CDYL2: variants seen among roughly 807,000 people sequenced by gnomAD.
CDYL2 encodes chromodomain Y like 2, also known as chromodomain Y-like protein 2.
CDYL2 carries 23 observed loss-of-function variants against 49.4 expected under a neutral mutation model. That is an observed-to-expected ratio of 0.47 (90% confidence interval 0.34 to 0.66). CDYL2 has a LOEUF of 0.66. Ranked by LOEUF, CDYL2 falls within the 30% of genes least tolerant of loss-of-function variation. The probability of loss-of-function intolerance (pLI) is 0.01; values close to 1 mark genes in which losing one functional copy is unlikely to be tolerated. For missense variants in CDYL2, 678 were observed against 656.4 expected, an observed-to-expected ratio of 1.03 and a Z score of -0.36; for synonymous variants, 360 against 268.8, an observed-to-expected ratio of 1.34 and a Z score of -3.32.
intron 2 of CDYL2, among the ~76,000 whole-genome samples, chr16:80,663,789 C>T (rs1455796188): frequency 6.6e-6 from 1 of 152,176 alleles, no homozygotes; most frequent in Non-Finnish European, 1.5e-5. Context: ...GACAGGGTTT[C>T]ACCATGTTGC....
intron 3 of CDYL2, among the ~76,000 whole-genome samples, chr16:80,628,995 G>C (rs779272631): frequency 6.6e-6 from 1 of 152,128 alleles, no homozygotes; most frequent in Non-Finnish European, 1.5e-5. Flanking sequence ...GTTCCAGTCA[G>C]AGCACATATA....
chr16:80,726,180 A>G (rs1454345634), intron 1 of CDYL2, among the ~76,000 whole-genome samples: 4 of 152,166 alleles, frequency 2.6e-5, no homozygotes, highest in Admixed American at 6.6e-5. Context: ...ATAAGATTCT[A>G]TTTTTGCGTA....
chr16:80,747,614 T>C (rs1248005916), intron 1 of CDYL2, among the ~76,000 whole-genome samples: 2 of 152,176 alleles, frequency 1.3e-5, no homozygotes, highest in East Asian at 1.9e-4. Flanking sequence ...CTCTGGAGTG[T>C]CCCTTCTAGC....
At chr16:80,681,336 T>A (rs1909959092) in intron 2 of CDYL2, among the ~76,000 whole-genome samples, 1 of 152,036 alleles carries the variant, frequency 6.6e-6, no homozygotes, top group Admixed American at 6.6e-5. Context: ...TTAGTCCAGA[T>A]AAGGGAAGGT....
At chr16:80,615,355 C>G (rs191439595) in intron 4 of CDYL2, among the ~76,000 whole-genome samples, 2 of 152,114 alleles carry the variant, frequency 1.3e-5, no homozygotes, top group Non-Finnish European at 1.5e-5. Context: ...TGATTTTTGT[C>G]AAACATCCCA....
chr16:80,751,736 G>T (rs1252310303), intron 1 of CDYL2, among the ~76,000 whole-genome samples: 2 of 152,170 alleles, frequency 1.3e-5, no homozygotes, highest in Non-Finnish European at 2.9e-5. Context: ...ATGAATTTTG[G>T]AACTCAGGAC....
chr16:80,639,747 C>T, intron 2 of CDYL2: 1 of 455,944 alleles, frequency 2.2e-6, no homozygotes, highest in South Asian at 1.5e-5. Flanking sequence ...ACAAACGCCA[C>T]CTCTCTCCCC....
intron 2 of CDYL2, chr16:80,662,869 G>T: frequency 2.3e-6 from 1 of 431,804 alleles, no homozygotes. Context: ...CTCACCACCA[G>T]ATGGATTCTT....
At chr16:80,607,451 C>G (rs1432703529) in intron 6 of CDYL2, among the ~76,000 whole-genome samples, 3 of 152,198 alleles carry the variant, frequency 2.0e-5, no homozygotes, top group Non-Finnish European at 4.4e-5. Context: ...GCCTCAATCT[C>G]CCAAAATGCC....
At chr16:80,645,772 T>C (rs1418988116) in intron 2 of CDYL2, among the ~76,000 whole-genome samples, 1 of 151,926 alleles carries the variant, frequency 6.6e-6, no homozygotes, top group Non-Finnish European at 1.5e-5. Flanking sequence ...TAAGAAAATG[T>C]GGCACATATA....
chr16:80,710,426 G>A (rs569118827), intron 1 of CDYL2, among the ~76,000 whole-genome samples: 1 of 152,258 alleles, frequency 6.6e-6, no homozygotes, highest in African/African-American at 2.4e-5. Context: ...TTACTCTAAG[G>A]ACATAATTGA....
chr16:80,803,738 C>T (rs1189283792), intron 1 of CDYL2, among the ~76,000 whole-genome samples: 1 of 140,146 alleles, frequency 7.1e-6, no homozygotes, highest in Admixed American at 7.0e-5. Flanking sequence ...CCGCGGCGCG[C>T]CCCCCCGCAT....
intron 1 of CDYL2, among the ~76,000 whole-genome samples, chr16:80,712,191 G>GTATATATATATATATATATATA (rs60399715): frequency 2.0e-4 from 22 of 107,926 alleles, no homozygotes; most frequent in South Asian, 1.7e-3. Flanking sequence ...GTCTGTGTGT[G>GTATATATATATATATATATATA]TATATATATA....
intron 3 of CDYL2, 94 bp from the exon 4 acceptor site, chr16:80,621,029 G>C: frequency 5.2e-6 from 7 of 1,349,210 alleles, no homozygotes; most frequent in Non-Finnish European, 6.9e-6. Flanking sequence ...CTGACCCCCT[G>C]AGGGTAGAGG....
intron 5 of CDYL2, among the ~76,000 whole-genome samples, chr16:80,609,828 T>C (rs2142362130): frequency 6.6e-6 from 1 of 152,158 alleles, no homozygotes. Context: ...TGGGTGGAGG[T>C]AGGGTGTCCC....
At chr16:80,769,253 T>G (rs112492981) in intron 1 of CDYL2, among the ~76,000 whole-genome samples, 1 of 152,196 alleles carries the variant, frequency 6.6e-6, no homozygotes, top group African/African-American at 2.4e-5. Context: ...ATTTATTACA[T>G]CATTATGTGA....
chr16:80,791,978 T>C (rs1350401653), intron 1 of CDYL2, among the ~76,000 whole-genome samples: 4 of 152,014 alleles, frequency 2.6e-5, no homozygotes, highest in African/African-American at 9.7e-5. Context: ...GGTGAGAGTA[T>C]TAAGGAAAAA....
At chr16:80,664,495 T>C (rs896253963) in intron 2 of CDYL2, among the ~76,000 whole-genome samples, 2 of 152,166 alleles carry the variant, frequency 1.3e-5, no homozygotes, top group African/African-American at 4.8e-5. Flanking sequence ...TTAATCAGCT[T>C]AATAAGCTTT....
intron 1 of CDYL2, among the ~76,000 whole-genome samples, chr16:80,788,555 A>C (rs1182430401): frequency 6.6e-6 from 1 of 152,250 alleles, no homozygotes; most frequent in Non-Finnish European, 1.5e-5. Context: ...TGGAAAGCAC[A>C]GGTGCAAGAC....
Sources: allele counts gnomAD v4.1 joint callset (sites outside exome capture counted in the v4.1 genomes callset), GRCh38; gene constraint gnomAD v4.1.1; transcripts MANE v1.5; gene names NCBI Gene and HGNC (gene_info 2026-07-23, HGNC 2026-07-21).